The following ACTG2 variants were observed in gnomAD, a reference collection of about 807,000 sequenced individuals.
ACTG2 encodes the protein actin gamma 2, smooth muscle.
ACTG2 carries 16 observed loss-of-function variants against 37.6 expected under a neutral mutation model. The observed-to-expected ratio is 0.43, with a 90% confidence interval of 0.29 to 0.65. ACTG2 has a LOEUF of 0.65. ACTG2 is among the 30% of genes least tolerant of loss of function. The probability of loss-of-function intolerance (pLI) is 0.18; values close to 1 mark genes in which losing one functional copy is unlikely to be tolerated. For missense variants in ACTG2, 238 were observed against 490.9 expected (o/e 0.48, Z 4.87); for synonymous variants, 181 against 179.9 (o/e 1.01, Z -0.05).
At chr2:73,898,221 G>C (rs963908735) in intron 1 of ACTG2, among the ~76,000 whole-genome samples, 14 of 148,826 alleles carry the variant, frequency 9.4e-5, no homozygotes, top group African/African-American at 3.4e-4. Flanking sequence ...CACATCTCAG[G>C]CTTGGGAAGT....
intron 1 of ACTG2, among the ~76,000 whole-genome samples, chr2:73,895,630 A>G (rs10206479): frequency 0.032 from 4,907 of 152,308 alleles, 275 homozygotes; most frequent in African/African-American, 0.11. Context: ...TAGGCCTAAC[A>G]CTTTCTGTCA....
At chr2:73,913,946 G>A (rs1398847040) in intron 6 of ACTG2, among the ~76,000 whole-genome samples, 1 of 152,184 alleles carries the variant, frequency 6.6e-6, no homozygotes, top group African/African-American at 2.4e-5. Flanking sequence ...GGGCACCTTT[G>A]GTTTGAGGAC....
chr2:73,904,739 TTGTGTG>T (rs370499600), intron 3 of ACTG2, among the ~76,000 whole-genome samples: 55 of 103,798 alleles, frequency 5.3e-4, no homozygotes, highest in East Asian at 1.4e-3. Context: ...CTATAAATCA[TTGTGTG>T]TGTGTGTGTG....
chr2:73,914,574 A>T (rs993137922), intron 6 of ACTG2, 106 bp from the exon 7 acceptor site: 6 of 913,126 alleles, frequency 6.6e-6, no homozygotes, highest in East Asian at 6.3e-5. Context: ...AAAAAAAAAA[A>T]AAAGAATAAA....
At chr2:73,903,679 T>C (rs1721245) in intron 3 of ACTG2, among the ~76,000 whole-genome samples, 119,225 of 152,142 alleles carry the variant, frequency 0.78, 47,037 homozygotes, top group Admixed American at 0.83. Context: ...TGGTGGCTTA[T>C]GCCTGTAATC....
chr2:73,901,150 G>T, intron 1 of ACTG2, 126 bp from the exon 2 acceptor site: 1 of 744,528 alleles, frequency 1.3e-6, no homozygotes, highest in Non-Finnish European at 2.0e-6. Flanking sequence ...GGGAGGCCAA[G>T]CCCATGCCTG....
In ACTG2 at chr2:73,919,441, C is replaced by A. The variant is rs1463563434; in HGVS notation, c.997C>A (p.Pro333Thr). ...CATTTGTTCTTTGCAGATTATTGCT[C>A]CCCCAGAGCGGAAGTACTCAGTCTG... ...PSTMKIKIIA[P>T]PERKYSVWIG... is the part of the protein sequence containing the mutation. The change falls in exon 9 of 9, where the codon CCC becomes ACC. Residue 333 changes from proline (P) to threonine (T), a missense_variant. Physicochemically the swap from Pro to Thr is conservative, Grantham distance 38 (BLOSUM62 -1). Transcript: ENST00000345517. The A allele has an allele frequency of 2.5e-6, 4 of 1,613,264 alleles. No individual in the cohort carries two copies. In the Admixed American group the frequency reaches 6.7e-5, roughly 27 times the overall value.
chr2:73,901,511 G>T, intron 2 of ACTG2, 74 bp downstream of exon 2: 1 of 1,528,342 alleles, frequency 6.5e-7, no homozygotes. Context: ...ACCCTGCTGA[G>T]CTGGGGGTTA....
chr2:73,913,170 CAAAA>C (rs58764001), intron 5 of ACTG2, among the ~76,000 whole-genome samples: 3 of 102,498 alleles, frequency 2.9e-5, no homozygotes, highest in Non-Finnish European at 3.8e-5. Flanking sequence ...ACTCTGTCTC[CAAAA>C]AAAAAAAAAA....
At chr2:73,898,791 CTTTTTTTTTTCTTTTTTTTT>C (rs1260274874) in intron 1 of ACTG2, among the ~76,000 whole-genome samples, 1 of 92,914 alleles carries the variant, frequency 1.1e-5, no homozygotes, top group African/African-American at 3.8e-5. Flanking sequence ...TTTTTCTTTT[CTTTTTTTTTTCTTTTTTTTT>C]TTTTTTTTTG....
chr2:73,917,419 T>A (rs1237388279), intron 8 of ACTG2, among the ~76,000 whole-genome samples: 1 of 152,234 alleles, frequency 6.6e-6, no homozygotes, highest in Non-Finnish European at 1.5e-5. Flanking sequence ...CTGTCCCATC[T>A]TGGCCATGCC....
chr2:73,909,953 A>G (rs968631010), intron 5 of ACTG2, among the ~76,000 whole-genome samples: 3 of 152,178 alleles, frequency 2.0e-5, no homozygotes, highest in Non-Finnish European at 2.9e-5. Context: ...AGTGGCTCAC[A>G]CCTGAAATCC....
At chr2:73,912,311 C>A (rs1465919721) in intron 5 of ACTG2, among the ~76,000 whole-genome samples, 1 of 152,210 alleles carries the variant, frequency 6.6e-6, no homozygotes, top group Admixed American at 6.5e-5. Flanking sequence ...GCACCTGCCT[C>A]TGCACCCGGC....
At chr2:73,894,310 G>A (rs1679695138) in intron 1 of ACTG2, among the ~76,000 whole-genome samples, 1 of 152,126 alleles carries the variant, frequency 6.6e-6, no homozygotes, top group Non-Finnish European at 1.5e-5. Flanking sequence ...CTTGAATGTG[G>A]GTTTGGACTC....
intron 5 of ACTG2, among the ~76,000 whole-genome samples, chr2:73,911,700 C>A (rs540414837): frequency 1.3e-5 from 2 of 152,132 alleles, no homozygotes; most frequent in Non-Finnish European, 2.9e-5. Context: ...TGTCACTAGG[C>A]AATAAGAATT....
intron 1 of ACTG2, among the ~76,000 whole-genome samples, chr2:73,895,027 G>A (rs749312021): frequency 6.9e-4 from 105 of 152,172 alleles, no homozygotes; most frequent in Non-Finnish European, 1.3e-3. Flanking sequence ...CATGGGTGCC[G>A]TGCAGGTAGA....
chr2:73,916,441 G>T lies in ACTG2; in HGVS notation c.806-143G>T, dbSNP rs563455543. 4.9e-4 allele frequency: 344 copies of T among 696,752 alleles called. No homozygotes were observed. The African/African-American group carries it at 5.8e-3, about 12-fold the overall frequency. 43.2% of individuals were successfully genotyped at this position (696,752 alleles called of 1,614,324 possible). A position where few individuals can be genotyped will look rare whatever the true frequency, so the allele number is the denominator to read the frequency against. On this transcript the variant is annotated intron_variant, in intron 7 of 8. Coordinates refer to ENST00000345517, the MANE Select transcript of ACTG2 (RefSeq NM_001615.4). ...AGGAAAGGCCATGACAAGGAAGGGG[G>T]TATGATCTTATAATCCTTCTGGGAG...
At chr2:73,901,974 A>G (rs1679894637) in intron 2 of ACTG2, among the ~76,000 whole-genome samples, 1 of 151,244 alleles carries the variant, frequency 6.6e-6, no homozygotes, top group African/African-American at 2.4e-5. Flanking sequence ...AAAGATTTGG[A>G]GATCTAAGCA....
At chr2:73,904,771 GTGTGTGTATATATATATATATA>G (rs1316916001) in intron 3 of ACTG2, among the ~76,000 whole-genome samples, 155 of 20,068 alleles carry the variant, frequency 7.7e-3, no homozygotes, top group Middle Eastern at 0.048. Context: ...GTGTGTGTGT[GTGTGTGTATATATATATATATA>G]TATATATATA....
Sources: allele counts gnomAD v4.1 joint callset (sites outside exome capture counted in the v4.1 genomes callset), GRCh38; gene constraint gnomAD v4.1.1; transcripts MANE v1.5; gene names NCBI Gene and HGNC (gene_info 2026-07-23, HGNC 2026-07-21).